Variants in FHOD3 observed in about 807,000 individuals in gnomAD.
The protein encoded by FHOD3 is FH1/FH2 domain-containing protein 3.
FHOD3 carries 90 observed loss-of-function variants against 173.0 expected under a neutral mutation model. That is an observed-to-expected ratio of 0.52 (90% confidence interval 0.44 to 0.62). The LOEUF (loss-of-function observed/expected upper bound fraction) is 0.62, where lower values mean the gene tolerates loss of function less well. Ranked by LOEUF, FHOD3 falls within the 20% of genes least tolerant of loss-of-function variation. The pLI is 0.00. For missense variants in FHOD3, 1,945 were observed against 2,034.7 expected, an observed-to-expected ratio of 0.96 and a Z score of 0.85; for synonymous variants, 828 against 823.0, an observed-to-expected ratio of 1.01 and a Z score of -0.10.
chr18:36,709,992 T>C (rs1194603013), intron 18 of FHOD3: 1 of 152,476 alleles, frequency 6.6e-6, no homozygotes, highest in Non-Finnish European at 1.5e-5. Context: ...ACTATTCTTT[T>C]CTTTGTATAA....
At chr18:36,639,931 G>T (rs902979090) in intron 10 of FHOD3, among the ~76,000 whole-genome samples, 6 of 151,592 alleles carry the variant, frequency 4.0e-5, no homozygotes, top group Non-Finnish European at 7.4e-5. Flanking sequence ...TGTAACCCCA[G>T]TTACTAATTG....
intron 5 of FHOD3, among the ~76,000 whole-genome samples, chr18:36,565,699 A>C (rs2058238443): frequency 6.6e-6 from 1 of 152,232 alleles, no homozygotes; most frequent in Non-Finnish European, 1.5e-5. Context: ...TCAAATGGCA[A>C]AATATCTTAT....
chr18:36,574,541 A>G (rs1481271840), intron 5 of FHOD3, among the ~76,000 whole-genome samples: 1 of 152,112 alleles, frequency 6.6e-6, no homozygotes, highest in Non-Finnish European at 1.5e-5. Context: ...AAACTTTCAT[A>G]TGCTGCATTC....
chr18:36,683,878 A>G (rs1479237169), intron 15 of FHOD3, among the ~76,000 whole-genome samples: 3 of 152,186 alleles, frequency 2.0e-5, no homozygotes, highest in Non-Finnish European at 4.4e-5. Flanking sequence ...CTCCTGCTAT[A>G]TTGTCCTAGA....
At chr18:36,772,601 C>T (rs985605762) in intron 28 of FHOD3, among the ~76,000 whole-genome samples, 2 of 152,246 alleles carry the variant, frequency 1.3e-5, no homozygotes, top group Admixed American at 6.5e-5. Flanking sequence ...TAAATGTCTG[C>T]TTTCATGTTT....
At chr18:36,715,614 C>A (rs1009414730) in intron 18 of FHOD3, among the ~76,000 whole-genome samples, 3 of 152,168 alleles carry the variant, frequency 2.0e-5, no homozygotes, top group African/African-American at 7.2e-5. Context: ...AAATCCTGTT[C>A]TCACAGAGTT....
chr18:36,760,296 C>T (rs1404737743), intron 26 of FHOD3, among the ~76,000 whole-genome samples: 9 of 152,164 alleles, frequency 5.9e-5, no homozygotes, highest in Non-Finnish European at 1.5e-5. Context: ...TGGTTTTAGA[C>T]CTTCCCAGAG....
At chr18:36,375,071 T>C (rs2047372854) in intron 3 of FHOD3, among the ~76,000 whole-genome samples, 1 of 152,214 alleles carries the variant, frequency 6.6e-6, no homozygotes, top group Non-Finnish European at 1.5e-5. Flanking sequence ...TATTATACTT[T>C]GGTTATGTAT....
intron 10 of FHOD3, among the ~76,000 whole-genome samples, chr18:36,633,900 A>C (rs2034688378): frequency 6.6e-6 from 1 of 152,196 alleles, no homozygotes; most frequent in African/African-American, 2.4e-5. Context: ...GGCACTGAAG[A>C]CATTTTATAG....
chr18:36,325,151 C>G (rs374728366), intron 1 of FHOD3, among the ~76,000 whole-genome samples: 4 of 151,838 alleles, frequency 2.6e-5, no homozygotes, highest in Admixed American at 2.0e-4. Context: ...GTCAAGATAG[C>G]AGTTTACCTT....
At chr18:36,594,447 G>A (rs941838554) in intron 6 of FHOD3, among the ~76,000 whole-genome samples, 5 of 152,122 alleles carry the variant, frequency 3.3e-5, no homozygotes, top group African/African-American at 9.7e-5. Context: ...GGGGTAAAAC[G>A]AAGACGTAAT....
intron 25 of FHOD3, among the ~76,000 whole-genome samples, chr18:36,757,592 T>A (rs1009833158): frequency 6.6e-6 from 1 of 152,148 alleles, no homozygotes; most frequent in African/African-American, 2.4e-5. Context: ...TTGTAGTAAG[T>A]CACCTTGAAT....
At chr18:36,765,355 CA>C (rs1017632876) in intron 27 of FHOD3, among the ~76,000 whole-genome samples, 2 of 152,124 alleles carry the variant, frequency 1.3e-5, no homozygotes, top group Non-Finnish European at 2.9e-5. Context: ...CTGTTAATAG[CA>C]GAGAAAAGAC....
intron 3 of FHOD3, among the ~76,000 whole-genome samples, chr18:36,463,340 AT>A (rs1243085717): frequency 8.4e-3 from 15 of 1,792 alleles, no homozygotes; most frequent in African/African-American, 0.024. Flanking sequence ...ATTTAAAAAA[AT>A]AATATATATT....
At chr18:36,439,212 A>C (rs2050986131) in intron 3 of FHOD3, among the ~76,000 whole-genome samples, 1 of 152,226 alleles carries the variant, frequency 6.6e-6, no homozygotes, top group African/African-American at 2.4e-5. Flanking sequence ...AGACTTTCAA[A>C]GTTCTATCCC....
intron 3 of FHOD3, among the ~76,000 whole-genome samples, chr18:36,460,286 C>A (rs1438619632): frequency 6.6e-6 from 1 of 152,172 alleles, no homozygotes; most frequent in Admixed American, 6.5e-5. Context: ...ATGGGACTTA[C>A]CCCTCTGTTA....
At chr18:36,515,608 G>A (rs373297698) in intron 5 of FHOD3, among the ~76,000 whole-genome samples, 9 of 152,184 alleles carry the variant, frequency 5.9e-5, no homozygotes, top group African/African-American at 2.2e-4. Flanking sequence ...TCATGACCAG[G>A]GGAGAGCCCG....
chr18:36,390,227 G>C (rs1367241802), intron 3 of FHOD3, among the ~76,000 whole-genome samples: 1 of 152,160 alleles, frequency 6.6e-6, no homozygotes, highest in African/African-American at 2.4e-5. Context: ...ATAGGGGGAC[G>C]TGTCCACTGG....
At chr18:36,725,613 T>C (rs2041022565) in intron 19 of FHOD3, among the ~76,000 whole-genome samples, 2 of 152,096 alleles carry the variant, frequency 1.3e-5, no homozygotes, top group African/African-American at 4.8e-5. Context: ...CTGGCTGTGG[T>C]GTACTTGTGC....
Sources: allele counts gnomAD v4.1 joint callset (sites outside exome capture counted in the v4.1 genomes callset), GRCh38; gene constraint gnomAD v4.1.1; transcripts MANE v1.5; gene names NCBI Gene and HGNC (gene_info 2026-07-23, HGNC 2026-07-21).